The following MYO5B variants were observed in gnomAD, a reference collection of about 807,000 sequenced individuals.
MYO5B encodes unconventional myosin-Vb.
A neutral mutation model predicts 229.3 loss-of-function variants in MYO5B; 143 were observed. The ratio of observed to expected loss-of-function variants is 0.62; its 90% CI spans 0.54 to 0.72. MYO5B has a LOEUF of 0.72. MYO5B is among the 30% of genes least tolerant of loss of function. MYO5B has a pLI of 0.00. For missense variants in MYO5B, 2,321 were observed against 2,331.0 expected, an observed-to-expected ratio of 1.00 and a Z score of 0.09; for synonymous variants, 918 against 885.2, an observed-to-expected ratio of 1.04 and a Z score of -0.66.
chr18:50,044,025 A>G (rs1051801801), intron 2 of MYO5B, among the ~76,000 whole-genome samples: 1 of 152,096 alleles, frequency 6.6e-6, no homozygotes, highest in African/African-American at 2.4e-5. Context: ...TTCCCCAAAA[A>G]CCTATGGCAA....
At chr18:49,842,958 A>C (rs956340529) in intron 34 of MYO5B, among the ~76,000 whole-genome samples, 2 of 152,232 alleles carry the variant, frequency 1.3e-5, no homozygotes, top group African/African-American at 2.4e-5. Flanking sequence ...GGGCAGGCCA[A>C]GGCTTCTGTA....
At chr18:50,076,038 C>T (rs1433142504) in intron 1 of MYO5B, among the ~76,000 whole-genome samples, 1 of 152,364 alleles carries the variant, frequency 6.6e-6, no homozygotes, top group South Asian at 2.1e-4. Flanking sequence ...TAACCCTCCA[C>T]TGACATCTCC....
rs570603416 is a variant in MYO5B, at chr18:50,184,136, T to C, written c.27+10631A>G. Among the ~76,000 whole-genome samples, 6 of 152,332 alleles carry C rather than the reference T, an allele frequency of 3.9e-5. No individual in the cohort carries two copies. The South Asian group carries it at 1.2e-3, about 32-fold the overall frequency. Reference sequence around the variant, plus strand: ...GTGTACTTTGTTACACTTTGCCTTTTTGAAGATGTGGATCTCGTTTGGGAC... The same window carrying C: ...GTGTACTTTGTTACACTTTGCCTTTCTGAAGATGTGGATCTCGTTTGGGAC... On this transcript the variant is annotated intron_variant, in intron 1 of 39. Coordinates refer to ENST00000285039, the MANE Select transcript of MYO5B (RefSeq NM_001080467.3).
chr18:49,871,570 T>G (rs147197775), intron 27 of MYO5B: 2 of 156,580 alleles, frequency 1.3e-5, no homozygotes, highest in South Asian at 3.9e-4. Flanking sequence ...ACAAGTCAAG[T>G]GCAGCAGTAA....
chr18:50,191,552 T>C (rs1234233496), intron 1 of MYO5B, among the ~76,000 whole-genome samples: 1 of 152,236 alleles, frequency 6.6e-6, no homozygotes, highest in African/African-American at 2.4e-5. Context: ...TATTCATTTC[T>C]AACTAAAAAT....
chr18:50,168,313 A>C (rs1210620360), intron 1 of MYO5B, among the ~76,000 whole-genome samples: 1 of 152,208 alleles, frequency 6.6e-6, no homozygotes, highest in African/African-American at 2.4e-5. Context: ...ATCTGGCAAC[A>C]TGGTGATTTA....
At chr18:49,926,543 G>A (rs1568033416) in intron 17 of MYO5B, among the ~76,000 whole-genome samples, 1 of 152,208 alleles carries the variant, frequency 6.6e-6, no homozygotes, top group Non-Finnish European at 1.5e-5. Flanking sequence ...TGGTCTACAT[G>A]ATGCTGGTAG....
At chr18:49,921,701 T>C (rs927919974) in intron 17 of MYO5B, among the ~76,000 whole-genome samples, 6 of 152,042 alleles carry the variant, frequency 3.9e-5, no homozygotes, top group South Asian at 2.1e-4. Context: ...TTTTATTAAT[T>C]TGGGGAAGGG....
At chr18:50,025,736 T>C (rs1490054162) in intron 4 of MYO5B, among the ~76,000 whole-genome samples, 1 of 152,206 alleles carries the variant, frequency 6.6e-6, no homozygotes, top group African/African-American at 2.4e-5. Context: ...CCTTCTCTCA[T>C]CTTCACCCCA....
At chr18:50,104,288 A>ATATATATATATCTATCTATC (rs1031683380) in intron 1 of MYO5B, among the ~76,000 whole-genome samples, 1 of 144,754 alleles carries the variant, frequency 6.9e-6, no homozygotes, top group African/African-American at 2.6e-5. Context: ...ATATATATAT[A>ATATATATATATCTATCTATC]TATCTCATAA....
chr18:49,833,277 G>T (rs1174122288), intron 39 of MYO5B, among the ~76,000 whole-genome samples: 3 of 152,152 alleles, frequency 2.0e-5, no homozygotes, highest in Non-Finnish European at 4.4e-5. Flanking sequence ...CATTTTTAAA[G>T]GTCAGTACAA....
chr18:49,839,823 T>C (rs1246612140), intron 35 of MYO5B: 2 of 176,960 alleles, frequency 1.1e-5, no homozygotes, highest in Non-Finnish European at 2.5e-5. Context: ...TCTGTATTAA[T>C]CAGATGAAAT....
At chr18:50,105,204 AAAATAAATAAATAAATAAATAAAT>A (rs149697050) in intron 1 of MYO5B, among the ~76,000 whole-genome samples, 3 of 139,058 alleles carry the variant, frequency 2.2e-5, no homozygotes, top group African/African-American at 5.4e-5. Flanking sequence ...AGGCATGGTA[AAAATAAATAAATAAATAAATAAAT>A]AAATAAATAA....
intron 14 of MYO5B, among the ~76,000 whole-genome samples, chr18:49,948,725 A>G (rs1787588): frequency 0.59 from 89,412 of 152,012 alleles, 26,788 homozygotes; most frequent in Middle Eastern, 0.73. Flanking sequence ...AGCAATGGAC[A>G]TGTGTACTTG....
At chr18:50,173,265 C>CA (rs1277091783) in intron 1 of MYO5B, among the ~76,000 whole-genome samples, 3 of 134,072 alleles carry the variant, frequency 2.2e-5, no homozygotes, top group Admixed American at 1.5e-4. Flanking sequence ...ACTCCAAAAA[C>CA]AAAAAACAGA....
chr18:50,098,524 C>T lies in MYO5B; in HGVS notation c.28-43146G>A, dbSNP rs529939126. On this transcript the variant is annotated intron_variant, in intron 1 of 39. Coordinates refer to ENST00000285039, the MANE Select transcript of MYO5B (RefSeq NM_001080467.3). ...GACTGCCTTAACTTCAAGTAGCTTA[C>T]AAACTACAACTTAGCTTTGAAAAGG... Among the ~76,000 whole-genome samples, 4 of 152,310 alleles carry T rather than the reference C, an allele frequency of 2.6e-5. No individual in the cohort carries two copies. In the East Asian group the frequency reaches 7.7e-4, roughly 29 times the overall value.
intron 21 of MYO5B, among the ~76,000 whole-genome samples, chr18:49,900,564 T>C (rs2024830114): frequency 6.6e-6 from 1 of 152,266 alleles, no homozygotes; most frequent in African/African-American, 2.4e-5. Flanking sequence ...TGGGCTCCTG[T>C]TCAGGGCAGC....
intron 4 of MYO5B, among the ~76,000 whole-genome samples, chr18:50,004,212 G>A (rs534887511): frequency 3.3e-5 from 5 of 152,322 alleles, no homozygotes; most frequent in South Asian, 2.1e-4. Context: ...GCTAGGTCAC[G>A]TGACAAGTGT....
chr18:50,105,204 A>AAAATAAATAAATAAAT (rs149697050), intron 1 of MYO5B, among the ~76,000 whole-genome samples: 113 of 139,098 alleles, frequency 8.1e-4, no homozygotes, highest in African/African-American at 2.7e-3. Flanking sequence ...AGGCATGGTA[A>AAAATAAATAAATAAAT]AAATAAATAA....
Sources: gnomAD v4.1 joint callset for allele counts (sites outside exome capture counted in the v4.1 genomes callset) on GRCh38, gnomAD v4.1.1 for gene constraint, MANE v1.5 for transcripts, NCBI Gene and HGNC (gene_info 2026-07-23, HGNC 2026-07-21) for gene names.